OGA: variants seen among roughly 807,000 people sequenced by gnomAD.
The protein encoded by OGA is O-GlcNAcase, also known as protein O-GlcNAcase.
Under a neutral mutation model 102.0 loss-of-function variants are expected in OGA, and 21 were observed. The observed-to-expected ratio is 0.21, with a 90% CI of 0.15 to 0.30. The LOEUF is 0.30. OGA is among the 10% of genes least tolerant of loss of function. OGA has a pLI of 1.00. For synonymous variants in OGA, 408 were observed against 378.2 expected (o/e 1.08, Z -0.91); for missense variants, 765 against 1,107.8 (o/e 0.69, Z 4.39).
intron 7 of OGA, among the ~76,000 whole-genome samples, chr10:101,801,884 C>T (rs748876883): frequency 1.1e-4 from 16 of 152,238 alleles, no homozygotes; most frequent in African/African-American, 2.2e-4. Flanking sequence ...CAGTGGCTCA[C>T]GCCTGTAATC....
chr10:101,791,937 C>A (rs770283859), intron 12 of OGA, among the ~76,000 whole-genome samples: 1 of 152,168 alleles, frequency 6.6e-6, no homozygotes, highest in African/African-American at 2.4e-5. Context: ...AGTAATTCTC[C>A]GGCCTCAGCC....
intron 12 of OGA, among the ~76,000 whole-genome samples, chr10:101,791,765 C>T (rs148739338): frequency 0.058 from 8,756 of 152,082 alleles, 265 homozygotes; most frequent in African/African-American, 0.068. Flanking sequence ...CTCCTGGGTT[C>T]AAGTGATTCT....
intron 14 of OGA, among the ~76,000 whole-genome samples, chr10:101,790,336 C>T (rs2065244924): frequency 6.8e-6 from 1 of 146,594 alleles, no homozygotes; most frequent in Admixed American, 6.9e-5. Context: ...GCAGTGGCGC[C>T]ATCTCAGCTC....
chr10:101,791,324 T>A, intron 13 of OGA, 30 bp downstream of exon 13: 1 of 1,555,326 alleles, frequency 6.4e-7, no homozygotes, highest in South Asian at 1.1e-5. Context: ...ATGAAAGGTC[T>A]ACTCTCAAAT....
chr10:101,804,642 G>C (rs1284437034), intron 6 of OGA, among the ~76,000 whole-genome samples: 1 of 152,072 alleles, frequency 6.6e-6, no homozygotes, highest in East Asian at 1.9e-4. Flanking sequence ...CCAGGCTGAA[G>C]TGCAATGGAG....
At position 101,800,309 on chromosome 10, in the gene OGA, T is replaced by G; in HGVS notation, c.1128A>C (p.Pro376=). Residue 376 remains proline (P), a synonymous_variant, in exon 8 of 16, where the codon CCA becomes CCC. Coordinates refer to ENST00000361464, the MANE Select transcript of OGA (RefSeq NM_012215.5). The part of the protein sequence containing the change: ...EDIETDVLYS[P]QMALKLALTE... ...TTAATGCTAGCTTTAGAGCCATCTG[T>G]GGACTATAGAGTACATCAGTTTCAA... 6.2e-7 allele frequency: 1 copy of G among 1,613,892 alleles called. No individual in the cohort carries two copies. The highest frequency in any genetic ancestry group is 1.1e-5 in the South Asian group (1 of 91,080).
At position 101,791,403 on chromosome 10, in the gene OGA, C is replaced by T. The variant is rs780936049; in HGVS notation, c.2212G>A (p.Asp738Asn). 9.3e-6 allele frequency: 15 copies of T among 1,614,010 alleles called. No homozygotes were observed. In the South Asian group the frequency reaches 9.9e-5, roughly 11 times the overall value. Residue 738 changes from aspartate (D) to asparagine (N), a missense_variant, in exon 13 of 16, where the codon GAT (aspartate) becomes AAT (asparagine). Asp to Asn is a conservative substitution (Grantham distance 23). Transcript: ENST00000361464. ...CTTTGAAAGGGTAAACCCACTCCATCGTCATACATTTCTCTGCAAATCTTG... is the reference window on the plus strand; with the variant it reads ...CTTTGAAAGGGTAAACCCACTCCATTGTCATACATTTCTCTGCAAATCTTG... ...VYKICREMYD[D>N]GVGLPFQSQP...
At chr10:101,805,974 T>C in intron 6 of OGA, 71 bp downstream of exon 6, 1 of 1,084,662 alleles carries the variant, frequency 9.2e-7, no homozygotes, top group Non-Finnish European at 1.4e-6. Flanking sequence ...AGTATTCAAT[T>C]AACAAGAACA....
chr10:101,787,757 G>A (rs948135443), intron 14 of OGA: 32 of 460,558 alleles, frequency 6.9e-5, no homozygotes, highest in Admixed American at 3.8e-4. Context: ...TCGCGTGCAC[G>A]CGCTCTCTCT....
chr10:101,815,477 G>C (rs1053600274), intron 1 of OGA, among the ~76,000 whole-genome samples: 3 of 151,812 alleles, frequency 2.0e-5, no homozygotes, highest in African/African-American at 7.3e-5. Flanking sequence ...GTAGAGACAG[G>C]GTTTCGCCAT....
At chr10:101,798,408 C>CTT (rs1047325578) in intron 9 of OGA, among the ~76,000 whole-genome samples, 23 of 133,000 alleles carry the variant, frequency 1.7e-4, no homozygotes, top group East Asian at 8.5e-4. Context: ...AAAGAACATA[C>CTT]TTTTTTTTTT....
intron 1 of OGA, among the ~76,000 whole-genome samples, chr10:101,814,923 T>C (rs2065602687): frequency 1.3e-5 from 2 of 152,218 alleles, no homozygotes; most frequent in South Asian, 4.1e-4. Context: ...CTCCCTAGTG[T>C]GCTCATCACA....
chr10:101,798,926 T>C lies in OGA; in HGVS notation c.1725A>G (p.Gly575=). The C allele has an allele frequency of 6.2e-7, 1 of 1,614,146 alleles. No homozygotes were observed. Among genetic ancestry groups the C allele is most frequent in the Non-Finnish European group, 8.5e-7 (1 of 1,180,030 alleles). ...FYLPYEHGPK[G]AQMLREFQWL... ...ATTGAAATTCCCGTAACATCTGTGC[T>C]CCTTTGGGTCCATGCTCGTAAGGAA... Residue 575 remains glycine, a synonymous_variant, in exon 9 of 16, where the codon GGA becomes GGG. Transcript: ENST00000361464.
At chr10:101,788,445 T>G (rs2065217925) in intron 14 of OGA, among the ~76,000 whole-genome samples, 2 of 138,136 alleles carry the variant, frequency 1.4e-5, no homozygotes, top group East Asian at 2.2e-4. Context: ...AAAAAAAAAG[T>G]TTTCTGGCCA....
intron 3 of OGA, among the ~76,000 whole-genome samples, chr10:101,810,740 C>G (rs971446535): frequency 1.3e-5 from 2 of 152,106 alleles, no homozygotes; most frequent in Non-Finnish European, 2.9e-5. Context: ...AAAATGCAGC[C>G]GCTGCTTTTT....
rs1185344174 is a variant in OGA, at chr10:101,815,961, G to GAAAAAAAAAAAAAA, written c.199+1862_199+1863insTTTTTTTTTTTTTT. On this transcript the variant is annotated intron_variant, in intron 1 of 15. Transcript: ENST00000361464. ...TGCCAACCAAGAGGTATCAAAAAGA[G>GAAAAAAAAAAAAAA]AGAAAAAAAAAAAAAAAAAAAAAAA... 9.7e-4 allele frequency among the ~76,000 whole-genome samples: 23 copies of GAAAAAAAAAAAAAA among 23,788 alleles called. 8 individuals are homozygous for GAAAAAAAAAAAAAA. The highest frequency in any genetic ancestry group is 1.3e-3 in the African/African-American group (6 of 4,516). The allele number at this position is 23,788 out of a possible 152,430, so 15.6% of individuals were successfully genotyped here.
At chr10:101,809,967 C>T (rs773923023) in intron 4 of OGA, among the ~76,000 whole-genome samples, 2 of 150,254 alleles carry the variant, frequency 1.3e-5, no homozygotes, top group African/African-American at 2.4e-5. Flanking sequence ...CACTTGAACC[C>T]GGGAGGCGGA....
Position 101,807,908 on chromosome 10 carries a change from G to C in OGA, c.481-7C>G. On this transcript the variant is annotated splice_region_variant and splice_polypyrimidine_tract_variant and intron_variant, in intron 4 of 15. Transcript: ENST00000361464. ...TGCACCCAAACTGAGAAACCTAGGA[G>C]AAAAAAAAAAAAAAGAATCAAGAGT... The C allele has an allele frequency of 8.3e-7, 1 of 1,201,496 alleles. No homozygotes were observed. Among genetic ancestry groups the C allele is most frequent in the Non-Finnish European group, 1.1e-6 (1 of 919,268 alleles). The allele number at this position is 1,201,496 out of a possible 1,614,324, so 74.4% of individuals were successfully genotyped here.
At chr10:101,810,911 G>A (rs1039962245) in intron 3 of OGA, among the ~76,000 whole-genome samples, 4 of 151,906 alleles carry the variant, frequency 2.6e-5, no homozygotes, top group Non-Finnish European at 2.9e-5. Context: ...GGCTGGTCTC[G>A]AACTCCTGGC....
Sources: gnomAD v4.1 joint callset for allele counts (sites outside exome capture counted in the v4.1 genomes callset) on GRCh38, gnomAD v4.1.1 for gene constraint, MANE v1.5 for transcripts, NCBI Gene and HGNC (gene_info 2026-07-23, HGNC 2026-07-21) for gene names.